Variants in EHD1 observed in about 807,000 individuals in gnomAD.
EHD1 encodes EH domain-containing protein 1.
Under a neutral mutation model 39.0 loss-of-function variants are expected in EHD1, and 19 were observed. The observed-to-expected ratio is 0.49, with a 90% CI of 0.34 to 0.72. EHD1 has a LOEUF of 0.72. Among genes scored for constraint, EHD1 ranks in the 30% least tolerant of loss-of-function variants. The pLI is 0.01. For missense variants in EHD1, 542 were observed against 751.5 expected (o/e 0.72, Z 3.26); for synonymous variants, 323 against 331.2 (o/e 0.98, Z 0.27).
At chr11:64,858,776 G>GC (rs1355127289) in intron 3 of EHD1, among the ~76,000 whole-genome samples, 1 of 152,160 alleles carries the variant, frequency 6.6e-6, no homozygotes, top group African/African-American at 2.4e-5. Flanking sequence ...TTGTTTCCTG[G>GC]CCCCACCCAC....
Position 64,861,130 on chromosome 11 carries a change from G to A in EHD1, c.503-794C>T, listed in dbSNP as rs545405183. On this transcript the variant is annotated intron_variant, in intron 2 of 4. Coordinates refer to ENST00000320631, the MANE Select transcript of EHD1 (RefSeq NM_006795.4). Reference sequence around the variant, plus strand: ...GAAACCAGGAGGCAGAGGTTGCAGTGAGCCGAGATTGTGCCACTGCAGTCC... The same window carrying A: ...GAAACCAGGAGGCAGAGGTTGCAGTAAGCCGAGATTGTGCCACTGCAGTCC... 2.6e-5 allele frequency among the ~76,000 whole-genome samples: 4 copies of A among 151,524 alleles called. No homozygotes were observed. In the East Asian group the frequency reaches 5.8e-4, roughly 22 times the overall value.
chr11:64,867,776 G>A (rs764554259), intron 2 of EHD1, among the ~76,000 whole-genome samples: 3 of 152,236 alleles, frequency 2.0e-5, no homozygotes, highest in Non-Finnish European at 2.9e-5. Context: ...TATGTTAGGT[G>A]TATTTTATCA....
intron 2 of EHD1, among the ~76,000 whole-genome samples, chr11:64,862,660 T>C (rs1214146007): frequency 3.3e-5 from 5 of 152,150 alleles, no homozygotes; most frequent in Non-Finnish European, 2.9e-5. Context: ...CAGTTTTGAA[T>C]CCTATATGAC....
At chr11:64,862,741 G>T (rs1251714144) in intron 2 of EHD1, among the ~76,000 whole-genome samples, 1 of 152,120 alleles carries the variant, frequency 6.6e-6, no homozygotes, top group Non-Finnish European at 1.5e-5. Flanking sequence ...TACAAAGGTG[G>T]TGCAGGCCTG....
intron 3 of EHD1, 101 bp downstream of exon 3, chr11:64,859,823 A>G: frequency 1.4e-6 from 2 of 1,460,240 alleles, no homozygotes; most frequent in Non-Finnish European, 9.1e-7. Flanking sequence ...CTGTGAAGTG[A>G]GCTGGGAAGG....
chr11:64,878,029 G>C, intron 1 of EHD1, 32 bp downstream of exon 1: 1 of 1,480,484 alleles, frequency 6.8e-7, no homozygotes, highest in Non-Finnish European at 8.9e-7. Context: ...CCCCGGACGC[G>C]CCCCCCGCCC....
At chr11:64,859,754 A>G in intron 3 of EHD1, 170 bp downstream of exon 3, 1 of 940,956 alleles carries the variant, frequency 1.1e-6, no homozygotes, top group Non-Finnish European at 1.5e-6. Context: ...AGCAGGCTGC[A>G]CGCGGGTGCT....
chr11:64,871,099 G>A (rs918840254), intron 2 of EHD1, among the ~76,000 whole-genome samples: 1 of 152,194 alleles, frequency 6.6e-6, no homozygotes, highest in Non-Finnish European at 1.5e-5. Context: ...GGGGCCAGGC[G>A]GGGCCAGACG....
rs1338547893 is a variant in EHD1 at position 64,855,259 on chromosome 11, G to A, written c.1080+63C>T. 10 of 1,577,140 alleles carry A rather than the reference G, an allele frequency of 6.3e-6. No individual in the cohort carries two copies. The East Asian group carries it at 1.8e-4, about 28-fold the overall frequency. On this transcript the variant is annotated intron_variant, in intron 4 of 4. Coordinates refer to ENST00000320631, the MANE Select transcript of EHD1 (RefSeq NM_006795.4). ...AGATGGGATTCCCTCCAAATCCAGT[G>A]CCCTGGGCCTTCCTTCTGCCCTGAT...
In EHD1 at chr11:64,854,795, C is replaced by T. The variant is rs780660838; in HGVS notation, c.1143G>A (p.Thr381=). 16 of 1,604,202 alleles carry T rather than the reference C, an allele frequency of 1.0e-5. No individual in the cohort carries two copies. Among genetic ancestry groups the T allele is most frequent in the Admixed American group, 8.3e-5 (5 of 59,992 alleles). Residue 381 remains threonine, a synonymous_variant, in exon 5 of 5, where the codon ACG becomes ACA. Transcript: ENST00000320631. ...TGTCGTTGGCCAGCATGTCATCCACCGTGTCCAGCAGCTTGGGCTTCAGCG... is the reference window on the plus strand; with the variant it reads ...TGTCGTTGGCCAGCATGTCATCCACTGTGTCCAGCAGCTTGGGCTTCAGCG... ...FQALKPKLLD[T]VDDMLANDIA...
Position 64,868,760 on chromosome 11 carries a change from G to C in EHD1, c.502+5661C>G, listed in dbSNP as rs1943795468. 6.6e-6 allele frequency among the ~76,000 whole-genome samples: 1 copy of C among 152,214 alleles called. No homozygotes were observed. Among genetic ancestry groups the C allele is most frequent in the South Asian group, 2.1e-4 (1 of 4,830 alleles). On this transcript the variant is annotated intron_variant, in intron 2 of 4. Coordinates refer to ENST00000320631, the MANE Select transcript of EHD1 (RefSeq NM_006795.4). The surrounding 1 kb of genome is among the most constrained non-coding windows in gnomAD (Gnocchi z 4.2). ...CTTTGTACAGCAGGGCACCTGAGGA[G>C]GGTGGACTTCACTACACACAACGTA...
At chr11:64,857,672 G>A (rs1028222475) in intron 3 of EHD1, among the ~76,000 whole-genome samples, 2 of 152,162 alleles carry the variant, frequency 1.3e-5, no homozygotes, top group African/African-American at 4.8e-5. Flanking sequence ...CATGCCCTCT[G>A]ACTGGCCTCC....
chr11:64,854,817 A>C lies in EHD1; in HGVS notation c.1121T>G (p.Leu374Arg), dbSNP rs1943630438. ...CACCGTGTCCAGCAGCTTGGGCTTC[A>C]GCGCCTGGAACTTGCTGAAGTCCTG... Reference protein sequence around the residue: ...QTQDFSKFQALKPKLLDTVDD... With the variant: ...QTQDFSKFQARKPKLLDTVDD... Residue 374 changes from leucine to arginine, a missense_variant, in exon 5 of 5, where the codon CTG (leucine) becomes CGG (arginine). Transcript: ENST00000320631. The C allele has an allele frequency of 1.2e-6, 2 of 1,601,334 alleles. No individual in the cohort carries two copies.
At chr11:64,863,388 C>T (rs1302505741) in intron 2 of EHD1, among the ~76,000 whole-genome samples, 1 of 152,214 alleles carries the variant, frequency 6.6e-6, no homozygotes, top group Admixed American at 6.5e-5. Context: ...AGCAGCTGGA[C>T]AGGGTCGCCC....
intron 3 of EHD1, among the ~76,000 whole-genome samples, chr11:64,857,922 A>C (rs1028690570): frequency 2.6e-5 from 4 of 152,000 alleles, no homozygotes; most frequent in African/African-American, 7.2e-5. Flanking sequence ...TGCTCTGTTG[A>C]AGAACTGGGG....
chr11:64,854,958 T>TC (rs1225909994), intron 4 of EHD1, 101 bp from the exon 5 acceptor site: 1 of 1,441,342 alleles, frequency 6.9e-7, no homozygotes, highest in African/African-American at 1.4e-5. Context: ...AAAGTGCTGC[T>TC]CCCCCACACT....
intron 2 of EHD1, among the ~76,000 whole-genome samples, chr11:64,871,638 C>G (rs949373398): frequency 6.6e-6 from 1 of 152,220 alleles, no homozygotes; most frequent in Non-Finnish European, 1.5e-5. Flanking sequence ...CAGCAGGAAA[C>G]CCCTCCTCCA....
At chr11:64,873,867 T>TG (rs1943856308) in intron 2 of EHD1, among the ~76,000 whole-genome samples, 1 of 151,378 alleles carries the variant, frequency 6.6e-6, no homozygotes, top group Admixed American at 6.6e-5. Context: ...TTAGTAGAGA[T>TG]GGGGTTTCAC....
chr11:64,860,412 C>T, intron 2 of EHD1, 76 bp from the exon 3 acceptor site: 1 of 1,512,948 alleles, frequency 6.6e-7, no homozygotes, highest in Non-Finnish European at 8.9e-7. Flanking sequence ...CCAACCTGGC[C>T]TGGTATTTCT....
Sources: gnomAD v4.1 joint callset for allele counts (sites outside exome capture counted in the v4.1 genomes callset) on GRCh38, gnomAD v4.1.1 for gene constraint, Gnocchi (gnomAD v3.1) non-coding constraint, MANE v1.5 for transcripts, NCBI Gene and HGNC (gene_info 2026-07-23, HGNC 2026-07-21) for gene names.